Variants in P2RX5 observed in about 807,000 individuals in gnomAD.
P2RX5 encodes the protein P2X purinoceptor 5.
In P2RX5, 46 loss-of-function variants were observed where a neutral mutation model predicts 54.1. That is an observed-to-expected ratio of 0.85 (90% CI 0.67 to 1.09). The LOEUF (loss-of-function observed/expected upper bound fraction) is 1.09, where lower values mean the gene tolerates loss of function less well. Ranked by LOEUF, P2RX5 falls within the 50% of genes least tolerant of loss-of-function variation. The pLI, the probability that P2RX5 is intolerant of heterozygous loss-of-function variation, is 0.00. For missense variants in P2RX5, 566 were observed against 549.8 expected (o/e 1.03, Z -0.29); for synonymous variants, 226 against 226.4 (o/e 1.00, Z 0.02).
chr17:3,719,235 C>CAAAAAAAAAAAAAA, the P2RX5 span, among the ~76,000 whole-genome samples: 1 of 66,220 alleles, frequency 1.5e-5, no homozygotes, highest in African/African-American at 5.8e-5. Flanking sequence ...GATTCTTCCT[C>CAAAAAAAAAAAAAA]AAAAAAAAAA....
At chr17:3,691,582 T>A in intron 2 of P2RX5, 62 bp downstream of exon 2, 2 of 1,603,968 alleles carry the variant, frequency 1.2e-6, no homozygotes, top group Non-Finnish European at 8.5e-7. Context: ...GCTTCCCGTG[T>A]GACCCACCCG....
chr17:3,714,574 CA>C, the P2RX5 span: 1 of 304,336 alleles, frequency 3.3e-6, no homozygotes, highest in Non-Finnish European at 6.0e-6. Flanking sequence ...CCCTATCAGG[CA>C]AAATGTACTG....
At position 3,688,682 on chromosome 17, in the gene P2RX5, A is replaced by G. The variant is rs2050517553; in HGVS notation, c.831T>C (p.Ser277=). The G allele has an allele frequency of 6.2e-7, 1 of 1,613,876 alleles. No individual in the cohort carries two copies. The highest frequency in any genetic ancestry group is 1.7e-5 in the Admixed American group (1 of 60,010). The change falls in exon 8 of 12, where the codon TCT becomes TCC. Residue 277 remains serine, a synonymous_variant. Transcript: ENST00000225328. The part of the protein sequence containing the change: ...KAASECHPHY[S]FSRLDNKLSK... ...AAAGTTTATTGTCCAGACGGCTAAA[A>G]GAATAGTGAGGGTGGCACTCAGAGG... is the stretch of plus-strand genomic sequence containing the variant.
intron 6 of P2RX5, among the ~76,000 whole-genome samples, 191 bp downstream of exon 6, chr17:3,689,879 C>G (rs554611195): frequency 6.7e-6 from 1 of 150,140 alleles, no homozygotes; most frequent in African/African-American, 2.5e-5. Context: ...CGCGAACACA[C>G]GCACACACAC....
chr17:3,709,729 T>G, the P2RX5 span, among the ~76,000 whole-genome samples: 1 of 151,906 alleles, frequency 6.6e-6, no homozygotes, highest in African/African-American at 2.4e-5. Context: ...CCTAACATGG[T>G]GAAACCCCGT....
At chr17:3,709,205 G>A in the P2RX5 span, among the ~76,000 whole-genome samples, 2 of 152,114 alleles carry the variant, frequency 1.3e-5, no homozygotes, top group African/African-American at 4.8e-5. Flanking sequence ...ACCCACCTCG[G>A]CCTCCCAAAG....
chr17:3,723,211 G>T, the P2RX5 span: 1 of 991,162 alleles, frequency 1.0e-6, no homozygotes, highest in Non-Finnish European at 1.6e-6. Context: ...GTTATGCAAA[G>T]ATGCTATTAT....
chr17:3,713,979 G>A, the P2RX5 span, among the ~76,000 whole-genome samples: 18 of 152,166 alleles, frequency 1.2e-4, no homozygotes, highest in Middle Eastern at 3.4e-3. Context: ...CCAGGCTGGA[G>A]TGCAATGGCG....
chr17:3,679,756 C>T lies in P2RX5; in HGVS notation c.1093G>A (p.Glu365Lys), dbSNP rs147017793. Reference sequence around the variant, plus strand: ...AGCCCCAGCCCCGATGCCTCGTCCTCGGCCTCCTGGGAACTGTCTTCTAGG... The same window carrying T: ...AGCCCCAGCCCCGATGCCTCGTCCTTGGCCTCCTGGGAACTGTCTTCTAGG... ...RGLEDSSQEA[E>K]DEASGLGLSE... Residue 365 changes from glutamate to lysine, a missense_variant, in exon 11 of 12, where the codon GAG (glutamate) becomes AAG (lysine). Glu to Lys is a moderately conservative substitution (Grantham distance 56, BLOSUM62 1). Transcript: ENST00000225328. 4.1e-5 allele frequency: 66 copies of T among 1,611,520 alleles called. No individual in the cohort carries two copies. In the East Asian group the frequency reaches 6.0e-4, roughly 15 times the overall value.
the P2RX5 span, chr17:3,720,467 A>T: frequency 3.9e-6 from 3 of 767,460 alleles, no homozygotes; most frequent in Non-Finnish European, 4.7e-6. Flanking sequence ...ACTGTGTTTG[A>T]ACAGCCTTCA....
At chr17:3,718,709 A>T in the P2RX5 span, among the ~76,000 whole-genome samples, 6 of 152,248 alleles carry the variant, frequency 3.9e-5, no homozygotes. Flanking sequence ...GGGGAAACAT[A>T]CAAATTTAAA....
At chr17:3,720,119 A>C in the P2RX5 span, among the ~76,000 whole-genome samples, 1 of 152,160 alleles carries the variant, frequency 6.6e-6, no homozygotes, top group Admixed American at 6.6e-5. Context: ...TCCTCAGCTT[A>C]GGCCTCTTAA....
the P2RX5 span, among the ~76,000 whole-genome samples, chr17:3,713,339 A>G: frequency 0.53 from 80,361 of 152,014 alleles, 22,115 homozygotes; most frequent in African/African-American, 0.64. Flanking sequence ...CAGCCTGGGC[A>G]ACACAGTGAG....
rs1180240222 is a variant in P2RX5, at chr17:3,696,121, G to C, written c.-116C>G. ...GCCTCGGCCCGTCTGCGCCCGCTCA[G>C]CTGCAGCCCGGGGTGTCCGGCAGGG... On this transcript the variant is annotated 5_prime_UTR_variant, in exon 1 of 12. Coordinates refer to ENST00000225328, the MANE Select transcript of P2RX5 (RefSeq NM_002561.4). The C allele has an allele frequency of 1.9e-5, 22 of 1,166,012 alleles. No individual in the cohort carries two copies. The highest frequency in any genetic ancestry group is 2.5e-5 in the Non-Finnish European group (22 of 882,534). 72.2% of individuals were successfully genotyped at this position (1,166,012 alleles called of 1,614,324 possible).
At chr17:3,674,831 C>G (rs1359463546) in intron 11 of P2RX5, among the ~76,000 whole-genome samples, 1 of 152,162 alleles carries the variant, frequency 6.6e-6, no homozygotes, top group African/African-American at 2.4e-5. Context: ...GGCTACTACT[C>G]GCTGACCTCT....
At chr17:3,715,610 C>T in the P2RX5 span, among the ~76,000 whole-genome samples, 3 of 152,186 alleles carry the variant, frequency 2.0e-5, no homozygotes, top group South Asian at 2.1e-4. Flanking sequence ...CCCACCACTT[C>T]GGGAGGCCAA....
the P2RX5 span, among the ~76,000 whole-genome samples, chr17:3,703,097 C>T: frequency 6.6e-6 from 1 of 152,204 alleles, no homozygotes. Context: ...CCCAAGCTTT[C>T]CCCACACCAG....
rs767351950 is a variant in P2RX5 at position 3,695,854 on chromosome 17, C to T, written c.137+15G>A. 2 of 1,589,586 alleles carry T rather than the reference C, an allele frequency of 1.3e-6. No individual in the cohort carries two copies. Among genetic ancestry groups the T allele is most frequent in the Admixed American group, 1.7e-5 (1 of 59,668 alleles). ...GCCCCTCCCCCGCCTTCCCAAAAGT[C>T]CGCGGAGAACTTACACGACCAGGTA... On this transcript the variant is annotated intron_variant, in intron 1 of 11. Transcript: ENST00000225328.
intron 7 of P2RX5, 83 bp from the exon 8 acceptor site, chr17:3,688,842 G>T: frequency 6.7e-7 from 1 of 1,482,332 alleles, no homozygotes; most frequent in Non-Finnish European, 9.4e-7. Flanking sequence ...ACCGGCACTG[G>T]ACAATAGGAG....
Sources: gnomAD v4.1 joint callset for allele counts (sites outside exome capture counted in the v4.1 genomes callset) on GRCh38, gnomAD v4.1.1 for gene constraint, MANE v1.5 for transcripts, NCBI Gene and HGNC (gene_info 2026-07-23, HGNC 2026-07-21) for gene names.